Variants in ASB3 observed in about 807,000 individuals in gnomAD.
The protein encoded by ASB3 is ankyrin repeat and SOCS box protein 3.
A neutral mutation model predicts 54.5 loss-of-function variants in ASB3; 41 were observed. The observed-to-expected ratio is 0.75, with a 90% CI of 0.59 to 0.98. The LOEUF (loss-of-function observed/expected upper bound fraction) is 0.98. Among genes scored for constraint, ASB3 ranks in the 50% least tolerant of loss-of-function variants. The pLI, the probability that ASB3 is intolerant of heterozygous loss-of-function variation, is 0.00. For missense variants in ASB3, 733 were observed against 620.0 expected (o/e 1.18, Z -1.94); for synonymous variants, 266 against 221.2 (o/e 1.20, Z -1.80).
At chr2:53,722,462 A>G (rs1181193063) in intron 5 of ASB3, among the ~76,000 whole-genome samples, 1 of 152,220 alleles carries the variant, frequency 6.6e-6, no homozygotes, top group Non-Finnish European at 1.5e-5. Context: ...GCAACACATC[A>G]AAAAGTTAAT....
intron 3 of ASB3, among the ~76,000 whole-genome samples, chr2:53,740,931 A>T (rs1671900031): frequency 6.6e-6 from 1 of 152,232 alleles, no homozygotes; most frequent in Non-Finnish European, 1.5e-5. Context: ...GTCAAGAAAC[A>T]TTTGATTTAG....
Position 53,765,402 on chromosome 2 carries a change from T to C in ASB3, c.171A>G (p.Glu57=), listed in dbSNP as rs146185296. The part of the protein sequence containing the change: ...IHEAAYHNSV[E]CLQMLINADS... ...CTGCATTAATTAACATTTGCAAACA[T>C]TCTACAGAGTTGTGATAAGCTGCTT... Residue 57 remains glutamate (E), a synonymous_variant, in exon 2 of 10, where the codon GAA becomes GAG. Transcript: ENST00000263634. 1 of 1,614,228 alleles carries C rather than the reference T, an allele frequency of 6.2e-7. No homozygotes were observed. The highest frequency in any genetic ancestry group is 1.1e-5 in the South Asian group (1 of 91,086).
intron 8 of ASB3, among the ~76,000 whole-genome samples, chr2:53,698,366 T>C (rs1324465766): frequency 6.6e-6 from 1 of 151,970 alleles, no homozygotes; most frequent in East Asian, 1.9e-4. Context: ...CAACGTTGGG[T>C]TCCTCTCCTG....
intron 7 of ASB3, among the ~76,000 whole-genome samples, chr2:53,705,451 C>T (rs1669717888): frequency 6.6e-6 from 1 of 152,182 alleles, no homozygotes; most frequent in Non-Finnish European, 1.5e-5. Context: ...CTACTGTACA[C>T]CATACTGCTT....
intron 8 of ASB3, among the ~76,000 whole-genome samples, chr2:53,698,588 A>G (rs952073664): frequency 2.6e-5 from 4 of 152,206 alleles, no homozygotes; most frequent in Admixed American, 2.6e-4. Flanking sequence ...TCTTAAATTC[A>G]GCCTTCCATA....
At chr2:53,756,730 T>C (rs540394449) in intron 2 of ASB3, 1 of 153,084 alleles carries the variant, frequency 6.5e-6, no homozygotes, top group African/African-American at 2.4e-5. Context: ...TCCGTGTTTG[T>C]TCCAGTTCAA....
chr2:53,751,044 A>C, intron 2 of ASB3, 103 bp from the exon 3 acceptor site: 1 of 1,299,392 alleles, frequency 7.7e-7, no homozygotes, highest in South Asian at 2.4e-5. Flanking sequence ...TTAAAATGTA[A>C]GTAATGTATA....
At chr2:53,749,607 T>C (rs1362712739) in intron 3 of ASB3, among the ~76,000 whole-genome samples, 2 of 152,098 alleles carry the variant, frequency 1.3e-5, no homozygotes, top group African/African-American at 2.4e-5. Flanking sequence ...ATCTATTTAA[T>C]AGAATACGAT....
chr2:53,680,270 T>C (rs7600430), intron 9 of ASB3, among the ~76,000 whole-genome samples: 2 of 152,226 alleles, frequency 1.3e-5, no homozygotes, highest in South Asian at 2.1e-4. Flanking sequence ...AGTTATGGGA[T>C]TGCTGGATCG....
chr2:53,694,638 C>T (rs1401717187), intron 8 of ASB3: 2 of 152,136 alleles, frequency 1.3e-5, no homozygotes, highest in Non-Finnish European at 2.9e-5. Context: ...TACCAACCCA[C>T]TCAAAAGAGG....
At chr2:53,727,739 T>C (rs567523559) in intron 5 of ASB3, among the ~76,000 whole-genome samples, 11 of 152,302 alleles carry the variant, frequency 7.2e-5, no homozygotes, top group South Asian at 2.1e-4. Context: ...TTCTTTCTTT[T>C]TTTGGAGACA....
chr2:53,672,559 A>T (rs965389103), intron 9 of ASB3, among the ~76,000 whole-genome samples: 1 of 152,238 alleles, frequency 6.6e-6, no homozygotes, highest in African/African-American at 2.4e-5. Context: ...CATGAACAAT[A>T]ATTGGTCAGT....
chr2:53,743,860 T>C (rs1044535118), intron 3 of ASB3, among the ~76,000 whole-genome samples: 3 of 151,704 alleles, frequency 2.0e-5, no homozygotes, highest in Admixed American at 6.6e-5. Flanking sequence ...CTGGCCAACA[T>C]GGTGAAACCT....
chr2:53,714,839 G>A (rs1184867067), intron 6 of ASB3, among the ~76,000 whole-genome samples: 2 of 152,068 alleles, frequency 1.3e-5, no homozygotes, highest in Non-Finnish European at 2.9e-5. Context: ...TATGTAAACA[G>A]AAAAGGTGCT....
chr2:53,742,402 A>C (rs1671980815), intron 3 of ASB3, among the ~76,000 whole-genome samples: 1 of 152,232 alleles, frequency 6.6e-6, no homozygotes, highest in Non-Finnish European at 1.5e-5. Context: ...ACAAGAATAA[A>C]GGAAGAAAAG....
chr2:53,731,273 G>A (rs868725882), intron 3 of ASB3, among the ~76,000 whole-genome samples: 16 of 152,032 alleles, frequency 1.1e-4, no homozygotes, highest in East Asian at 5.8e-4. Context: ...ATGGTGGCAC[G>A]CACCTGTAAT....
chr2:53,697,601 C>G (rs1669255735), intron 8 of ASB3, among the ~76,000 whole-genome samples: 1 of 152,104 alleles, frequency 6.6e-6, no homozygotes, highest in East Asian at 1.9e-4. Flanking sequence ...CAGCTGTGAG[C>G]CTGTGAAATC....
At chr2:53,782,270 G>A (rs960605695) in intron 1 of ASB3, among the ~76,000 whole-genome samples, 7 of 152,102 alleles carry the variant, frequency 4.6e-5, no homozygotes, top group Admixed American at 6.6e-5. Context: ...TAACAAAATC[G>A]CACTGAAATG....
intron 9 of ASB3, among the ~76,000 whole-genome samples, chr2:53,681,854 G>A (rs1269495423): frequency 1.3e-5 from 2 of 151,950 alleles, no homozygotes; most frequent in Non-Finnish European, 2.9e-5. Flanking sequence ...TCTTTTGTGG[G>A]TCCATATAAA....
Sources: gnomAD v4.1 joint callset for allele counts (sites outside exome capture counted in the v4.1 genomes callset) on GRCh38, gnomAD v4.1.1 for gene constraint, MANE v1.5 for transcripts, NCBI Gene and HGNC (gene_info 2026-07-23, HGNC 2026-07-21) for gene names.